ACYP1: variants seen among roughly 807,000 people sequenced by gnomAD.
ACYP1 encodes acylphosphatase 1, also known as acylphosphatase-1.
Under a neutral mutation model 10.4 loss-of-function variants are expected in ACYP1, and 8 were observed. That is an observed-to-expected ratio of 0.77 (90% CI 0.45 to 1.38). The LOEUF is 1.38. Ranked by LOEUF, ACYP1 falls within the 40% of genes most tolerant of loss-of-function variation. ACYP1 has a pLI of 0.00. For missense variants in ACYP1, 93 were observed against 117.3 expected (o/e 0.79, Z 0.96); for synonymous variants, 38 against 40.8 (o/e 0.93, Z 0.26).
At chr14:75,053,700 A>G in intron 2 of ACYP1, 41 bp from the exon 3 acceptor site, 1 of 1,582,770 alleles carries the variant, frequency 6.3e-7, no homozygotes, top group Non-Finnish European at 8.7e-7. Flanking sequence ...GTGAGATTGA[A>G]GAAAACAAGG....
chr14:75,060,185 T>A, intron 2 of ACYP1: 2 of 642,382 alleles, frequency 3.1e-6, no homozygotes, highest in South Asian at 1.8e-5. Context: ...TTATCCTTTT[T>A]ATTTTTTTAA....
chr14:75,060,129 GAAGT>G lies in ACYP1; in HGVS notation c.84+3337_84+3340del, dbSNP rs941030802. On this transcript the variant is annotated intron_variant, in intron 2 of 2. Coordinates refer to ENST00000238618, the MANE Select transcript of ACYP1 (RefSeq NM_001107.5). ...TTATATGTATTCTACCACAATTTTAGAAGTAAGTGTGCTATATGGTTTCCAAATA... is the reference window on the plus strand; with the variant it reads ...TTATATGTATTCTACCACAATTTTAGAAGTGTGCTATATGGTTTCCAAATA... The G allele has an allele frequency of 8.5e-5, 46 of 540,208 alleles. No homozygotes were observed. The East Asian group carries it at 1.2e-3, about 14-fold the overall frequency. The allele number at this position is 540,208 out of a possible 1,614,324, so 33.5% of individuals were successfully genotyped here.
intron 2 of ACYP1, among the ~76,000 whole-genome samples, chr14:75,054,327 G>A (rs894202546): frequency 6.8e-6 from 1 of 146,278 alleles, no homozygotes; most frequent in Non-Finnish European, 1.5e-5. Flanking sequence ...TAACTATCAG[G>A]TTTTCACTTC....
intron 2 of ACYP1, among the ~76,000 whole-genome samples, chr14:75,055,677 A>G (rs1892860106): frequency 6.6e-6 from 1 of 151,614 alleles, no homozygotes; most frequent in Admixed American, 6.6e-5. Flanking sequence ...CAATCTAAAA[A>G]GAAACTCTCT....
chr14:75,067,832 G>GA (rs1445763842), upstream of ACYP1, among the ~76,000 whole-genome samples: 3,256 of 141,736 alleles, frequency 0.023, 48 homozygotes, highest in Middle Eastern at 0.058. Flanking sequence ...TGTCTCTACA[G>GA]AAAAAAAAAA....
rs1344600362 is a variant in ACYP1, at chr14:75,063,469, C to T, written c.84+1G>A. The T allele has an allele frequency of 1.2e-6, 2 of 1,613,316 alleles. No individual in the cohort carries two copies. The highest frequency in any genetic ancestry group is 1.7e-6 in the Non-Finnish European group (2 of 1,179,496). On this transcript the variant is annotated splice_donor_variant, in intron 2 of 2. Coordinates refer to ENST00000238618, the MANE Select transcript of ACYP1 (RefSeq NM_001107.5). LOFTEE classifies it high-confidence loss of function. ...CACCCCAAAGCCTGCAGGCCACATA[C>T]CTGAGTATGCTTACGGAAAAACACC...
chr14:75,054,762 A>G (rs1473736799), intron 2 of ACYP1, among the ~76,000 whole-genome samples: 1 of 151,588 alleles, frequency 6.6e-6, no homozygotes, highest in Non-Finnish European at 1.5e-5. Context: ...CAAATAAATA[A>G]CCATTTGAGG....
At chr14:75,062,462 C>A (rs1219346567) in intron 2 of ACYP1, among the ~76,000 whole-genome samples, 1 of 151,532 alleles carries the variant, frequency 6.6e-6, no homozygotes, top group Non-Finnish European at 1.5e-5. Flanking sequence ...TCAAAGATTC[C>A]TTCCAGGTTA....
intron 2 of ACYP1, among the ~76,000 whole-genome samples, chr14:75,058,859 C>G (rs1231685936): frequency 4.6e-5 from 7 of 152,158 alleles, no homozygotes; most frequent in Non-Finnish European, 1.0e-4. Context: ...TTAACTCAAA[C>G]TGGATCAAAG....
In ACYP1 at chr14:75,053,383, T is replaced by A; in HGVS notation, c.*61A>T. 1 of 1,419,700 alleles carries A rather than the reference T, an allele frequency of 7.0e-7. No individual in the cohort carries two copies. The highest frequency in any genetic ancestry group is 1.2e-5 in the South Asian group (1 of 85,516). The allele number at this position is 1,419,700 out of a possible 1,614,324, so 87.9% of individuals were successfully genotyped here. A position where few individuals can be genotyped will look rare whatever the true frequency, so the allele number is the denominator to read the frequency against. ...CTAATATTAACACACAATAGTTCTA[T>A]CTCTATTAATAATAAAAACCAAACC... On this transcript the variant is annotated 3_prime_UTR_variant, in exon 3 of 3. Transcript: ENST00000238618.
Position 75,064,008 on chromosome 14 carries a change from G to T in ACYP1, c.-63C>A. 1.0e-6 allele frequency: 1 copy of T among 988,950 alleles called. No homozygotes were observed. Among genetic ancestry groups the T allele is most frequent in the Non-Finnish European group, 1.2e-6 (1 of 831,864 alleles). The allele number at this position is 988,950 out of a possible 1,614,324, so 61.3% of individuals were successfully genotyped here. ...ATCACTCCGGGACCACCACGCCAACGGCTCACCAAGGCGCGCAAACCTCCG... is the reference window on the plus strand; with the variant it reads ...ATCACTCCGGGACCACCACGCCAACTGCTCACCAAGGCGCGCAAACCTCCG... On this transcript the variant is annotated 5_prime_UTR_variant, in exon 1 of 3. Coordinates refer to ENST00000238618, the MANE Select transcript of ACYP1 (RefSeq NM_001107.5).
At chr14:75,061,320 C>T (rs1162056734) in intron 2 of ACYP1, among the ~76,000 whole-genome samples, 1 of 152,050 alleles carries the variant, frequency 6.6e-6, no homozygotes, top group African/African-American at 2.4e-5. Flanking sequence ...TCCAAGTTTT[C>T]AAAAGTCCCT....
chr14:75,069,108 C>A, intron 1 of ACYP1: 2 of 1,152,848 alleles, frequency 1.7e-6, no homozygotes, highest in East Asian at 2.9e-5. Flanking sequence ...ATTAGATTGG[C>A]CACAAAAACT....
chr14:75,060,034 A>C (rs988677982), intron 2 of ACYP1: 3 of 400,298 alleles, frequency 7.5e-6, no homozygotes, highest in Non-Finnish European at 1.3e-5. Flanking sequence ...GTAGATAAAC[A>C]GAACAATGTG....
At chr14:75,068,382 A>G (rs1480508505), upstream of ACYP1, among the ~76,000 whole-genome samples, 2 of 152,182 alleles carry the variant, frequency 1.3e-5, no homozygotes, top group East Asian at 1.9e-4. Context: ...GGGTAAAGTG[A>G]TGGAGTCAAT....
At chr14:75,064,081 C>A (rs1893100341), upstream of ACYP1, 1 of 971,974 alleles carries the variant, frequency 1.0e-6, no homozygotes, top group South Asian at 4.7e-5. Flanking sequence ...CGCTCATGCC[C>A]ATCACCTCCA....
chr14:75,065,301 A>G (rs1456920462), upstream of ACYP1, among the ~76,000 whole-genome samples: 1 of 152,208 alleles, frequency 6.6e-6, no homozygotes, highest in East Asian at 1.9e-4. Context: ...AGACTTGACA[A>G]TGAGATATGG....
chr14:75,067,860 T>TG (rs1163982135), upstream of ACYP1, among the ~76,000 whole-genome samples: 2 of 148,240 alleles, frequency 1.3e-5, no homozygotes, highest in East Asian at 2.0e-4. Flanking sequence ...AAGCTGGGTG[T>TG]GGGGGGCACA....
At chr14:75,056,416 T>C (rs1034933343) in intron 2 of ACYP1, among the ~76,000 whole-genome samples, 1 of 151,536 alleles carries the variant, frequency 6.6e-6, no homozygotes, top group Admixed American at 6.6e-5. Flanking sequence ...CTGGAAGGAA[T>C]CTTTGAAACA....
Sources: gnomAD v4.1 joint callset for allele counts (sites outside exome capture counted in the v4.1 genomes callset) on GRCh38, gnomAD v4.1.1 for gene constraint, MANE v1.5 for transcripts, NCBI Gene and HGNC (gene_info 2026-07-23, HGNC 2026-07-21) for gene names.